SLC9A9: variants seen among roughly 807,000 people sequenced by gnomAD.
SLC9A9 encodes the protein sodium/hydrogen exchanger 9.
Under a neutral mutation model 77.8 loss-of-function variants are expected in SLC9A9, and 62 were observed. The observed-to-expected ratio is 0.80, with a 90% CI of 0.65 to 0.98. The LOEUF (loss-of-function observed/expected upper bound fraction) is 0.98, where lower values mean the gene tolerates loss of function less well. SLC9A9 is among the 50% of genes least tolerant of loss of function. SLC9A9 has a pLI of 0.00. For missense variants in SLC9A9, 775 were observed against 774.9 expected (o/e 1.00, Z 0.00); for synonymous variants, 320 against 283.5 (o/e 1.13, Z -1.29).
rs796736090 is a variant in SLC9A9, at chr3:143,373,630, T to C, written c.1524+8430A>G. ...TAAAAAAAAAAAAAAAAAAAAAAAA[T>C]AGCCATTAAAAATTCCTGGAACCAA... On this transcript the variant is annotated intron_variant, in intron 13 of 15. Coordinates refer to ENST00000316549, the MANE Select transcript of SLC9A9 (RefSeq NM_173653.4). 6.8e-3 allele frequency among the ~76,000 whole-genome samples: 361 copies of C among 53,368 alleles called. 2 individuals carry two copies. The highest frequency in any genetic ancestry group is 0.024 in the African/African-American group (341 of 14,068). 35.0% of individuals were successfully genotyped at this position (53,368 alleles called of 152,430 possible).
At chr3:143,370,604 C>T (rs1054099362) in intron 13 of SLC9A9, among the ~76,000 whole-genome samples, 18 of 151,320 alleles carry the variant, frequency 1.2e-4, no homozygotes, top group African/African-American at 4.4e-4. Flanking sequence ...CACACACACC[C>T]TAACAAATAA....
intron 11 of SLC9A9, 65 bp from the exon 12 acceptor site, chr3:143,467,255 C>A (rs1472650756): frequency 2.0e-5 from 32 of 1,588,050 alleles, no homozygotes; most frequent in Non-Finnish European, 2.7e-5. Context: ...TCAATGGATT[C>A]ATCTTTACAA....
chr3:143,791,440 C>G (rs1242922040), intron 4 of SLC9A9, among the ~76,000 whole-genome samples: 1 of 152,216 alleles, frequency 6.6e-6, no homozygotes, highest in Non-Finnish European at 1.5e-5. Context: ...CACAGCCCAC[C>G]AGTAGAGTTT....
intron 14 of SLC9A9, among the ~76,000 whole-genome samples, chr3:143,352,042 G>T (rs1260124418): frequency 6.6e-6 from 1 of 152,154 alleles, no homozygotes; most frequent in Non-Finnish European, 1.5e-5. Flanking sequence ...GGGGTACTCT[G>T]GGGACTTCTC....
chr3:143,473,554 C>T (rs141995932), intron 11 of SLC9A9, among the ~76,000 whole-genome samples: 159 of 152,292 alleles, frequency 1.0e-3, no homozygotes, highest in African/African-American at 3.5e-3. Flanking sequence ...CCCATTTGAA[C>T]GATCTTTCTT....
chr3:143,559,113 A>T (rs2037038984), intron 8 of SLC9A9, among the ~76,000 whole-genome samples: 1 of 152,092 alleles, frequency 6.6e-6, no homozygotes, highest in African/African-American at 2.4e-5. Flanking sequence ...TTCCGCTATG[A>T]TTGTAAGTTT....
At chr3:143,488,679 A>G (rs139146406) in intron 11 of SLC9A9, among the ~76,000 whole-genome samples, 175 of 152,066 alleles carry the variant, frequency 1.2e-3, no homozygotes, top group African/African-American at 4.0e-3. Context: ...CAGAAACATC[A>G]TTTGATAAAA....
At chr3:143,477,367 C>G (rs2035496839) in intron 11 of SLC9A9, among the ~76,000 whole-genome samples, 1 of 145,940 alleles carries the variant, frequency 6.9e-6, no homozygotes, top group South Asian at 2.3e-4. Flanking sequence ...CCCGCCGCCC[C>G]CTCCCGCCAC....
At chr3:143,299,870 C>T (rs1298348724) in intron 14 of SLC9A9, among the ~76,000 whole-genome samples, 1 of 152,166 alleles carries the variant, frequency 6.6e-6, no homozygotes, top group Admixed American at 6.5e-5. Context: ...TGAGCCTTAT[C>T]CTGGCTTTAA....
intron 5 of SLC9A9, among the ~76,000 whole-genome samples, chr3:143,686,325 G>T (rs188509786): frequency 6.6e-6 from 1 of 152,202 alleles, no homozygotes; most frequent in Non-Finnish European, 1.5e-5. Flanking sequence ...AGAAGACAAA[G>T]AAGTAAATAA....
chr3:143,613,966 C>T (rs1161662622), intron 6 of SLC9A9, among the ~76,000 whole-genome samples: 1 of 152,118 alleles, frequency 6.6e-6, no homozygotes, highest in Non-Finnish European at 1.5e-5. Flanking sequence ...GGAAAATTAG[C>T]ACTTTTAATA....
intron 14 of SLC9A9, chr3:143,343,229 T>C (rs1262665341): frequency 6.6e-6 from 1 of 152,212 alleles, no homozygotes; most frequent in East Asian, 1.9e-4. Flanking sequence ...TTTTCCCACT[T>C]CTTTTCCTCT....
chr3:143,493,352 C>T (rs1226131436), intron 11 of SLC9A9, among the ~76,000 whole-genome samples: 1 of 152,080 alleles, frequency 6.6e-6, no homozygotes, highest in African/African-American at 2.4e-5. Flanking sequence ...TCAAATTCCC[C>T]AGTATGAAAA....
intron 9 of SLC9A9, among the ~76,000 whole-genome samples, chr3:143,545,253 C>T (rs74871591): frequency 0.016 from 2,382 of 152,262 alleles, 63 homozygotes; most frequent in African/African-American, 0.055. Context: ...CTCCAAAACA[C>T]CCAACCCAAA....
chr3:143,774,399 G>A (rs1208601708), intron 4 of SLC9A9, among the ~76,000 whole-genome samples: 2 of 152,118 alleles, frequency 1.3e-5, no homozygotes, highest in Non-Finnish European at 2.9e-5. Flanking sequence ...TACTGTTTAG[G>A]GACACAGGTT....
intron 4 of SLC9A9, among the ~76,000 whole-genome samples, chr3:143,734,754 A>T (rs932231933): frequency 7.4e-5 from 11 of 149,634 alleles, no homozygotes; most frequent in Non-Finnish European, 1.2e-4. Flanking sequence ...AAAAAAAAAG[A>T]TACGTAGACT....
intron 4 of SLC9A9, among the ~76,000 whole-genome samples, chr3:143,779,023 A>G (rs932803457): frequency 1.3e-5 from 2 of 152,190 alleles, no homozygotes; most frequent in Non-Finnish European, 2.9e-5. Context: ...GTCCTAAACA[A>G]TTTCACTGGA....
intron 11 of SLC9A9, among the ~76,000 whole-genome samples, chr3:143,493,337 A>G (rs2035780044): frequency 6.6e-6 from 1 of 152,176 alleles, no homozygotes; most frequent in Admixed American, 6.5e-5. Flanking sequence ...TTATGAAATT[A>G]TAATTCAAAT....
chr3:143,395,204 T>C (rs62276825), intron 12 of SLC9A9, among the ~76,000 whole-genome samples: 9 of 151,988 alleles, frequency 5.9e-5, no homozygotes, highest in Admixed American at 3.9e-4. Context: ...AACTATACTA[T>C]AAGGCTACAG....
Sources: gnomAD v4.1 joint callset for allele counts (sites outside exome capture counted in the v4.1 genomes callset) on GRCh38, gnomAD v4.1.1 for gene constraint, MANE v1.5 for transcripts, NCBI Gene and HGNC (gene_info 2026-07-23, HGNC 2026-07-21) for gene names.